The following VPS45 variants were observed in gnomAD, a reference collection of about 807,000 sequenced individuals.
The protein encoded by VPS45 is vacuolar protein sorting-associated protein 45.
Under a neutral mutation model 75.9 loss-of-function variants are expected in VPS45, and 35 were observed. That is an observed-to-expected ratio of 0.46 (90% CI 0.35 to 0.61). VPS45 has a LOEUF of 0.61. Among genes scored for constraint, VPS45 ranks in the 20% least tolerant of loss-of-function variants. The pLI, the probability that VPS45 is intolerant of heterozygous loss-of-function variation, is 0.00. For synonymous variants in VPS45, 220 were observed against 238.2 expected (o/e 0.92, Z 0.70); for missense variants, 559 against 685.9 (o/e 0.81, Z 2.07).
rs1553796195 is a variant in VPS45, at chr1:150,067,951, G to A, written c.93+1G>A. 1 of 1,614,044 alleles carries A rather than the reference G, an allele frequency of 6.2e-7. No individual in the cohort carries two copies. On this transcript the variant is annotated splice_donor_variant, in intron 1 of 14. Transcript: ENST00000644510. LOFTEE classifies it high-confidence loss of function. ...AGTACTTCTCATGGATAAAGAGACG[G>A]TGAGTTTGCTTTTGCTCAGCATTTG...
intron 14 of VPS45, among the ~76,000 whole-genome samples, chr1:150,111,482 G>T (rs1230524842): frequency 6.6e-6 from 1 of 152,120 alleles, no homozygotes; most frequent in Non-Finnish European, 1.5e-5. Flanking sequence ...CATAGAAAAT[G>T]GGGAATTATT....
At chr1:150,143,809 A>C (rs1553815964) in intron 14 of VPS45, among the ~76,000 whole-genome samples, 1 of 152,188 alleles carries the variant, frequency 6.6e-6, no homozygotes, top group African/African-American at 2.4e-5. Flanking sequence ...TCTGAATCCC[A>C]GCTGAGCCAC....
chr1:150,128,058 T>C (rs1415546232), intron 14 of VPS45, among the ~76,000 whole-genome samples: 1 of 152,054 alleles, frequency 6.6e-6, no homozygotes, highest in African/African-American at 2.4e-5. Flanking sequence ...TCCCACACTT[T>C]GGGAGGCCGG....
intron 14 of VPS45, among the ~76,000 whole-genome samples, chr1:150,144,118 A>ATTTTTTTTTTTTTTTTTTTTTTTTT (rs1334757412): frequency 6.7e-6 from 1 of 149,862 alleles, no homozygotes. Flanking sequence ...TTATTTTTTA[A>ATTTTTTTTTTTTTTTTTTTTTTTTT]TTTTTTTTTT....
Position 150,076,269 on chromosome 1 carries a change from C to T in VPS45, c.326C>T (p.Ser109Leu). 1.2e-6 allele frequency: 2 copies of T among 1,608,322 alleles called. No individual in the cohort carries two copies. The highest frequency in any genetic ancestry group is 1.7e-6 in the Non-Finnish European group (2 of 1,177,130). ...GTGATCAGCAAGAGTGACGTGAAGT[C>T]ATTGGCTGAAGCTGATGAACAGGAA... Reference protein sequence around the residue: ...SNVISKSDVKSLAEADEQEVV... With the variant: ...SNVISKSDVKLLAEADEQEVV... Residue 109 changes from serine to leucine, a missense_variant, in exon 4 of 15, where the codon TCA becomes TTA. By Grantham distance (145) the Ser-to-Leu change is moderately radical (BLOSUM62 -2). Transcript: ENST00000644510.
rs1307043159 is a variant in VPS45 at position 150,082,612 on chromosome 1, C to G, written c.937-104C>G. 3.6e-6 allele frequency: 5 copies of G among 1,395,164 alleles called. No individual in the cohort carries two copies. The African/African-American group carries it at 5.8e-5, about 16-fold the overall frequency. 86.4% of individuals were successfully genotyped at this position (1,395,164 alleles called of 1,614,324 possible). A position where few individuals can be genotyped will look rare whatever the true frequency, so the allele number is the denominator to read the frequency against. On this transcript the variant is annotated intron_variant, in intron 9 of 14. Transcript: ENST00000644510. ...GGCTGAAAGTTGTAGATGCTTTAAT[C>G]TGGGCTGAAAAACAACCCCCGCTTT...
chr1:150,067,732 G>T, upstream of VPS45: 1 of 871,560 alleles, frequency 1.1e-6, no homozygotes, highest in Non-Finnish European at 1.9e-6. Flanking sequence ...CACCGTGGCT[G>T]CCCGGACTCC....
At chr1:150,112,158 TC>T (rs1378915483) in intron 14 of VPS45, among the ~76,000 whole-genome samples, 2 of 152,104 alleles carry the variant, frequency 1.3e-5, no homozygotes, top group African/African-American at 2.4e-5. Context: ...TTCCTTTTTT[TC>T]TTAATAATTT....
At chr1:150,127,966 T>C (rs1553811168) in intron 14 of VPS45, among the ~76,000 whole-genome samples, 1 of 152,174 alleles carries the variant, frequency 6.6e-6, no homozygotes, top group African/African-American at 2.4e-5. Context: ...TCAATGATGA[T>C]TAAAAATGAG....
intron 14 of VPS45, among the ~76,000 whole-genome samples, chr1:150,111,609 A>C (rs1553807185): frequency 6.6e-6 from 1 of 152,100 alleles, no homozygotes; most frequent in Non-Finnish European, 1.5e-5. Context: ...AAGATTGGGG[A>C]CCCTGAGAGA....
intron 14 of VPS45, among the ~76,000 whole-genome samples, chr1:150,138,271 TA>T (rs1296942004): frequency 6.6e-6 from 1 of 151,700 alleles, no homozygotes; most frequent in African/African-American, 2.4e-5. Flanking sequence ...ACTTATTTTT[TA>T]AAAAAAAATA....
chr1:150,122,613 C>T (rs782338703), intron 14 of VPS45, among the ~76,000 whole-genome samples: 2 of 152,110 alleles, frequency 1.3e-5, no homozygotes, highest in African/African-American at 4.8e-5. Context: ...CTAAAATTTA[C>T]ATACCATACA....
At position 150,068,781 on chromosome 1, in the gene VPS45, G is replaced by GCTTC. The variant is rs782216161; in HGVS notation, c.228+19_228+22dup. The GCTTC allele has an allele frequency of 1.4e-5, 22 of 1,586,892 alleles. No individual in the cohort carries two copies. The South Asian group carries it at 1.7e-4, about 12-fold the overall frequency. The stretch of plus-strand genomic sequence containing the variant: ...CCTACAAAGGTACTGCATAAACTGA[G>GCTTC]CTTCCATCTGCCCAGGCAGATGCAG... On this transcript the variant is annotated intron_variant, in intron 2 of 14. Coordinates refer to ENST00000644510, the MANE Select transcript of VPS45 (RefSeq NM_007259.5).
At chr1:150,102,321 G>A (rs1436240774) in intron 13 of VPS45, among the ~76,000 whole-genome samples, 3 of 150,600 alleles carry the variant, frequency 2.0e-5, no homozygotes, top group African/African-American at 7.3e-5. Flanking sequence ...AGGCCGAAGT[G>A]GGTGGATCAT....
intron 14 of VPS45, among the ~76,000 whole-genome samples, chr1:150,140,050 C>T (rs1345700741): frequency 3.3e-5 from 5 of 152,190 alleles, no homozygotes; most frequent in Admixed American, 6.5e-5. Flanking sequence ...TGCACCACCA[C>T]GCCTGGCTAA....
Position 150,067,836 on chromosome 1 carries a change from G to C in VPS45, c.-22G>C. 2 of 1,613,112 alleles carry C rather than the reference G, an allele frequency of 1.2e-6. No individual in the cohort carries two copies. Among genetic ancestry groups the C allele is most frequent in the Non-Finnish European group, 1.7e-6 (2 of 1,179,130 alleles). Reference sequence around the variant, plus strand: ...AGAAAAGGGGGCGGGAAGGGCTGTAGGGTACTTGTCAATTCGCCGCCATGA... The same window carrying C: ...AGAAAAGGGGGCGGGAAGGGCTGTACGGTACTTGTCAATTCGCCGCCATGA... On this transcript the variant is annotated 5_prime_UTR_variant, in exon 1 of 15. Coordinates refer to ENST00000644510, the MANE Select transcript of VPS45 (RefSeq NM_007259.5).
chr1:150,092,465 T>G, intron 12 of VPS45, 56 bp downstream of exon 12: 1 of 1,362,430 alleles, frequency 7.3e-7, no homozygotes, highest in Non-Finnish European at 1.0e-6. Context: ...TCCTTGAGGC[T>G]GAGAGTGAAT....
chr1:150,125,984 C>A (rs1658495357), intron 14 of VPS45, among the ~76,000 whole-genome samples: 1 of 152,034 alleles, frequency 6.6e-6, no homozygotes, highest in East Asian at 1.9e-4. Flanking sequence ...CTGCCCCTGG[C>A]CAAGCTTACA....
intron 4 of VPS45, 154 bp from the exon 5 acceptor site, chr1:150,076,762 T>G: frequency 1.4e-6 from 1 of 703,958 alleles, no homozygotes; most frequent in Non-Finnish European, 2.4e-6. Context: ...CCACGTTGAC[T>G]GTTGTTACCC....
Sources: gnomAD v4.1 joint callset for allele counts (sites outside exome capture counted in the v4.1 genomes callset) on GRCh38, gnomAD v4.1.1 for gene constraint, MANE v1.5 for transcripts, NCBI Gene and HGNC (gene_info 2026-07-23, HGNC 2026-07-21) for gene names.